Variants in AGBL4 observed in about 807,000 individuals in gnomAD.
AGBL4 encodes AGBL carboxypeptidase 4.
A neutral mutation model predicts 66.4 loss-of-function variants in AGBL4; 58 were observed. That is an observed-to-expected ratio of 0.87 (90% CI 0.71 to 1.09). AGBL4 has a LOEUF of 1.09. Among genes scored for constraint, AGBL4 ranks in the 50% least tolerant of loss-of-function variants. AGBL4 has a pLI of 0.00. For missense variants in AGBL4, 579 were observed against 631.0 expected, an observed-to-expected ratio of 0.92 and a Z score of 0.88; for synonymous variants, 234 against 222.9, an observed-to-expected ratio of 1.05 and a Z score of -0.44.
rs143905757 is a variant in AGBL4 at position 48,630,678 on chromosome 1, C to G, written c.951+3815G>C. 9.8e-3 allele frequency among the ~76,000 whole-genome samples: 1,490 copies of G among 152,308 alleles called. 13 individuals are homozygous for G. Among genetic ancestry groups the G allele is most frequent in the African/African-American group, 0.013 (557 of 41,568 alleles). ...TTTTTCTAACAGGCACCAGAGGGGT[C>G]TCTCTGAAATGCAAACCTAATTTGT... is the stretch of plus-strand genomic sequence containing the variant. On this transcript the variant is annotated intron_variant, in intron 9 of 13. Coordinates refer to ENST00000371839, the MANE Select transcript of AGBL4 (RefSeq NM_032785.4).
chr1:48,658,494 A>G (rs1193024757), intron 7 of AGBL4, among the ~76,000 whole-genome samples: 1 of 152,190 alleles, frequency 6.6e-6, no homozygotes, highest in Non-Finnish European at 1.5e-5. Flanking sequence ...AGCTGAGTCC[A>G]AGGGCCTCGA....
intron 11 of AGBL4, among the ~76,000 whole-genome samples, chr1:48,563,064 G>C (rs1440456152): frequency 2.0e-5 from 3 of 152,202 alleles, no homozygotes; most frequent in Non-Finnish European, 4.4e-5. Context: ...AAGCAGACAA[G>C]ACACTTTCTT....
intron 4 of AGBL4, chr1:49,174,752 T>C (rs969305866): frequency 5.9e-5 from 9 of 152,026 alleles, no homozygotes; most frequent in African/African-American, 2.2e-4. Flanking sequence ...ATTTTCTTTA[T>C]CAGCAATAAA....
intron 2 of AGBL4, among the ~76,000 whole-genome samples, chr1:49,750,938 G>A (rs1237983787): frequency 6.6e-6 from 1 of 152,102 alleles, no homozygotes; most frequent in Non-Finnish European, 1.5e-5. Context: ...CATTGATTTT[G>A]TATCCTTAGA....
chr1:49,835,397 T>C (rs1645819847), intron 2 of AGBL4, among the ~76,000 whole-genome samples: 1 of 152,182 alleles, frequency 6.6e-6, no homozygotes, highest in Admixed American at 6.5e-5. Flanking sequence ...TTGCAACCCC[T>C]GCTTTTTTTT....
At chr1:49,764,439 C>T (rs976080921) in intron 2 of AGBL4, among the ~76,000 whole-genome samples, 3 of 152,138 alleles carry the variant, frequency 2.0e-5, no homozygotes, top group African/African-American at 7.2e-5. Context: ...ATTCTGCTTG[C>T]TCTCACCTGA....
rs571911059 is a variant in AGBL4, at chr1:48,896,665, G to T, written c.595-29435C>A. 9.8e-4 allele frequency among the ~76,000 whole-genome samples: 36 copies of T among 36,916 alleles called. 1 individual carries two copies. Among genetic ancestry groups the T allele is most frequent in the African/African-American group, 1.5e-3 (34 of 22,856 alleles). 24.2% of individuals were successfully genotyped at this position (36,916 alleles called of 152,430 possible). ...ATGGAGGCAGGGGATGCAATGGGGA[G>T]TAGGTAGGAGAAGCAGGTGTGGTGC... is the stretch of plus-strand genomic sequence containing the variant. On this transcript the variant is annotated intron_variant, in intron 5 of 13. Coordinates refer to ENST00000371839, the MANE Select transcript of AGBL4 (RefSeq NM_032785.4).
At chr1:49,344,257 C>T (rs1222552275) in intron 3 of AGBL4, among the ~76,000 whole-genome samples, 1 of 151,628 alleles carries the variant, frequency 6.6e-6, no homozygotes, top group African/African-American at 2.4e-5. Flanking sequence ...CACATGTATA[C>T]ATATGTAACT....
intron 6 of AGBL4, chr1:48,761,196 C>T (rs1412205743): frequency 2.1e-6 from 2 of 955,176 alleles, no homozygotes; most frequent in African/African-American, 3.3e-5. Flanking sequence ...TTGTCCCACG[C>T]TTTCACTACC....
At position 48,990,735 on chromosome 1, in the gene AGBL4, G is replaced by A. The variant is rs187959486; in HGVS notation, c.594+54849C>T. Among the ~76,000 whole-genome samples the A allele has an allele frequency of 4.3e-4, 66 of 151,818 alleles. 1 individual carries two copies. In the South Asian group the frequency reaches 9.6e-3, roughly 22 times the overall value. On this transcript the variant is annotated intron_variant, in intron 5 of 13. Coordinates refer to ENST00000371839, the MANE Select transcript of AGBL4 (RefSeq NM_032785.4). ...CTTGTTTTCTTTTTGTGTATCCGTTGCACATTTTTGAATTTGAGGTTACCA... is the reference window on the plus strand; with the variant it reads ...CTTGTTTTCTTTTTGTGTATCCGTTACACATTTTTGAATTTGAGGTTACCA...
At chr1:49,637,594 C>A (rs576240297) in intron 3 of AGBL4, among the ~76,000 whole-genome samples, 2 of 152,200 alleles carry the variant, frequency 1.3e-5, no homozygotes, top group South Asian at 4.2e-4. Flanking sequence ...TGAGCCAACA[C>A]GCCCAGCCAG....
At chr1:49,831,231 T>C (rs1390179081) in intron 2 of AGBL4, among the ~76,000 whole-genome samples, 1 of 152,232 alleles carries the variant, frequency 6.6e-6, no homozygotes, top group African/African-American at 2.4e-5. Context: ...TGATTCTTCC[T>C]ATCCATGAGC....
chr1:49,651,008 C>T (rs867665427), intron 3 of AGBL4, among the ~76,000 whole-genome samples: 1 of 152,138 alleles, frequency 6.6e-6, no homozygotes, highest in Admixed American at 6.5e-5. Flanking sequence ...ATCTGCCCTC[C>T]GTACACAGAG....
At chr1:48,613,435 G>T (rs2148384080) in intron 9 of AGBL4, among the ~76,000 whole-genome samples, 1 of 152,304 alleles carries the variant, frequency 6.6e-6, no homozygotes, top group South Asian at 2.1e-4. Context: ...AATTTTGGTT[G>T]ATTAGATCAT....
chr1:48,995,030 T>C (rs1374428892), intron 5 of AGBL4, among the ~76,000 whole-genome samples: 1 of 152,264 alleles, frequency 6.6e-6, no homozygotes, highest in African/African-American at 2.4e-5. Flanking sequence ...TTTATTTGGC[T>C]GCTTCCTTGG....
chr1:49,739,467 T>C (rs1462132736), intron 2 of AGBL4, among the ~76,000 whole-genome samples: 1 of 152,172 alleles, frequency 6.6e-6, no homozygotes, highest in Non-Finnish European at 1.5e-5. Flanking sequence ...TGGAAACAAG[T>C]TGGAAAACAC....
intron 3 of AGBL4, among the ~76,000 whole-genome samples, chr1:49,459,899 T>C (rs1267644008): frequency 2.6e-5 from 4 of 151,674 alleles, no homozygotes; most frequent in Non-Finnish European, 1.5e-5. Context: ...TAAATTTCCA[T>C]CTTGATTTTA....
chr1:48,914,674 GGAA>G (rs1291215088), intron 5 of AGBL4, among the ~76,000 whole-genome samples: 5 of 152,142 alleles, frequency 3.3e-5, no homozygotes, highest in Admixed American at 6.6e-5. Flanking sequence ...TGAGTTGGGT[GGAA>G]GAAGGACTGT....
chr1:48,902,087 G>A (rs1652134856), intron 5 of AGBL4, among the ~76,000 whole-genome samples: 1 of 152,056 alleles, frequency 6.6e-6, no homozygotes, highest in Non-Finnish European at 1.5e-5. Context: ...GCACAGGAAA[G>A]ACCTGCCCCC....
Sources: allele counts gnomAD v4.1 joint callset (sites outside exome capture counted in the v4.1 genomes callset), GRCh38; gene constraint gnomAD v4.1.1; transcripts MANE v1.5; gene names NCBI Gene and HGNC (gene_info 2026-07-23, HGNC 2026-07-21).